PRDX4: variants seen among roughly 807,000 people sequenced by gnomAD.
PRDX4 encodes the protein peroxiredoxin 4, also known as peroxiredoxin-4.
A neutral mutation model predicts 20.5 loss-of-function variants in PRDX4; 12 were observed. The ratio of observed to expected loss-of-function variants is 0.58; its 90% CI spans 0.37 to 0.95. The LOEUF (loss-of-function observed/expected upper bound fraction) is 0.95, where lower values mean the gene tolerates loss of function less well. Among genes scored for constraint, PRDX4 ranks in the 40% least tolerant of loss-of-function variants. The pLI is 0.01. For synonymous variants in PRDX4, 99 were observed against 87.5 expected, an observed-to-expected ratio of 1.13 and a Z score of -0.73; for missense variants, 180 against 207.3, an observed-to-expected ratio of 0.87 and a Z score of 0.81.
intron 6 of PRDX4, 24 bp downstream of exon 6, chrX:23,683,729 T>C: frequency 1.0e-5 from 12 of 1,180,998 alleles, no homozygotes; most frequent in Non-Finnish European, 1.4e-5. Context: ...TATGTTTTTA[T>C]GTTGAGTTGA....
intron 1 of PRDX4, among the ~76,000 whole-genome samples, chrX:23,670,604 T>G (rs1280227286): frequency 8.9e-6 from 1 of 112,246 alleles, no homozygotes; most frequent in African/African-American, 3.2e-5. Context: ...AAAGTATAAG[T>G]GCTATCTGAA....
chrX:23,674,409 A>C (rs1346654983), intron 2 of PRDX4, among the ~76,000 whole-genome samples: 1 of 110,884 alleles, frequency 9.0e-6, no homozygotes, highest in Non-Finnish European at 1.9e-5. Context: ...CCACCCTAGT[A>C]ATATTCTGTA....
At chrX:23,668,198 T>TA (rs1463217476) in intron 1 of PRDX4, among the ~76,000 whole-genome samples, 1 of 112,598 alleles carries the variant, frequency 8.9e-6, no homozygotes, top group Non-Finnish European at 1.9e-5. Context: ...ATAGGTTGAA[T>TA]AATGATTCAC....
intron 4 of PRDX4, among the ~76,000 whole-genome samples, chrX:23,682,049 T>TA (rs1296935462): frequency 1.8e-5 from 2 of 112,197 alleles, no homozygotes; most frequent in African/African-American, 3.2e-5. Flanking sequence ...TGAAAACAAA[T>TA]AAAAAATTTA....
At chrX:23,683,386 C>T (rs1406644703) in intron 5 of PRDX4, among the ~76,000 whole-genome samples, 1 of 111,423 alleles carries the variant, frequency 9.0e-6, no homozygotes, top group African/African-American at 3.3e-5. Context: ...GATTCCCAAA[C>T]TTTCCAACTG....
intron 2 of PRDX4, among the ~76,000 whole-genome samples, chrX:23,673,520 A>G (rs1927884221): frequency 8.9e-6 from 1 of 112,480 alleles, no homozygotes; most frequent in East Asian, 2.8e-4. Flanking sequence ...TGGGAGGCCA[A>G]CATGGGCGGA....
chrX:23,684,000 A>C (rs903878172), intron 6 of PRDX4, among the ~76,000 whole-genome samples: 8 of 100,413 alleles, frequency 8.0e-5, no homozygotes, highest in African/African-American at 3.0e-4. Context: ...GTGAGCCGAG[A>C]TCATGCCACT....
At chrX:23,686,098 A>C (rs1212761178) in intron 6 of PRDX4, 187 bp from the exon 7 acceptor site, 4 of 469,048 alleles carry the variant, frequency 8.5e-6, no homozygotes, top group Non-Finnish European at 1.5e-5. Context: ...ATTCACACAA[A>C]ATAAAAATAT....
In PRDX4 at chrX:23,683,654, CTT is replaced by C. The variant is rs772172230; in HGVS notation, c.731-13_731-12del. The stretch of plus-strand genomic sequence containing the variant: ...TCTGTTTTTAAAATGTCTTCTGCCT[CTT>C]TTTGTTTCTTTTAGTCTGCCCTGCT... On this transcript the variant is annotated splice_polypyrimidine_tract_variant and intron_variant, in intron 5 of 6. Transcript: ENST00000379341. 2 of 1,203,103 alleles carry C rather than the reference CTT, an allele frequency of 1.7e-6. No individual in the cohort carries two copies. The highest frequency in any genetic ancestry group is 3.0e-5 in the East Asian group (1 of 33,675).
Position 23,667,629 on chromosome X carries a change from T to TGCTTCTGCTGCC in PRDX4, c.63_74dup (p.Pro24_Leu27dup). On this transcript the variant is annotated inframe_insertion, in exon 1 of 7. Transcript: ENST00000379341. ...CCGGACCACGGCCGCCACCGAAGGC[T>TGCTTCTGCTGCC]GCTTCTGCTGCCGCTACTGCTGTTC... 8.3e-7 allele frequency: 1 copy of TGCTTCTGCTGCC among 1,201,009 alleles called. No homozygotes were observed. The highest frequency in any genetic ancestry group is 1.8e-5 in the South Asian group (1 of 55,764).
At chrX:23,674,062 T>G (rs1323645820) in intron 2 of PRDX4, among the ~76,000 whole-genome samples, 1 of 111,198 alleles carries the variant, frequency 9.0e-6, no homozygotes, top group East Asian at 2.8e-4. Context: ...TCCATCTGGA[T>G]GCACCAGCAC....
intron 5 of PRDX4, among the ~76,000 whole-genome samples, chrX:23,682,853 A>AAAAAAAAAATAT (rs1555933130): frequency 2.7e-4 from 4 of 14,878 alleles, no homozygotes; most frequent in African/African-American, 4.3e-4. Context: ...AAAAAAAAAA[A>AAAAAAAAAATAT]ATATATATAT....
Position 23,682,431 on chromosome X carries a change from G to A in PRDX4, c.635G>A (p.Arg212Lys). The A allele has an allele frequency of 1.7e-6, 2 of 1,178,394 alleles. No homozygotes were observed. Among genetic ancestry groups the A allele is most frequent in the Non-Finnish European group, 2.3e-6 (2 of 874,452 alleles). Residue 212 changes from arginine (R) to lysine (K), a missense_variant, in exon 5 of 7, where the codon AGA (arginine) becomes AAA (lysine). Coordinates refer to ENST00000379341, the MANE Select transcript of PRDX4 (RefSeq NM_006406.2). ...ATTATTGATGACAAAGGAATCCTAA[G>A]ACAAATTACTCTGAATGATCTTCCT... is the stretch of plus-strand genomic sequence containing the variant. ...LFIIDDKGIL[R>K]QITLNDLPVG...
Position 23,667,557 on chromosome X carries a change from G to C in PRDX4, c.-14G>C, listed in dbSNP as rs1601787691. The C allele has an allele frequency of 8.5e-7, 1 of 1,174,804 alleles. No individual in the cohort carries two copies. The highest frequency in any genetic ancestry group is 3.1e-5 in the East Asian group (1 of 31,857). ...CGCTCGCGCCAAGGGACGTGTTTCT[G>C]CGCTCGCGTGGTCATGGAGGCGCTG... On this transcript the variant is annotated 5_prime_UTR_variant, in exon 1 of 7. Transcript: ENST00000379341.
intron 5 of PRDX4, among the ~76,000 whole-genome samples, chrX:23,682,877 T>TATATATAA (rs1431021204): frequency 6.1e-5 from 4 of 65,540 alleles, no homozygotes; most frequent in African/African-American, 1.8e-4. Context: ...TATATATATA[T>TATATATAA]AAACTAATAT....
intron 6 of PRDX4, among the ~76,000 whole-genome samples, chrX:23,685,127 G>A (rs1351306795): frequency 1.8e-5 from 2 of 112,129 alleles, no homozygotes; most frequent in Non-Finnish European, 3.8e-5. Flanking sequence ...CATGTAAATA[G>A]TCAACATGTT....
At chrX:23,674,885 AT>A (rs1202944454) in intron 2 of PRDX4, 104 bp from the exon 3 acceptor site, 1 of 1,024,560 alleles carries the variant, frequency 9.8e-7, no homozygotes, top group Non-Finnish European at 1.3e-6. Flanking sequence ...ATTGTTCTTA[AT>A]GTGCATTTTT....
chrX:23,675,168 CA>C, intron 3 of PRDX4, 62 bp downstream of exon 3: 1 of 1,208,577 alleles, frequency 8.3e-7, no homozygotes, highest in Non-Finnish European at 1.1e-6. Flanking sequence ...AAAGCATGGA[CA>C]GATAACTCTT....
chrX:23,679,046 T>G (rs1928007058), intron 3 of PRDX4, 119 bp from the exon 4 acceptor site: 1 of 767,686 alleles, frequency 1.3e-6, no homozygotes, highest in African/African-American at 2.1e-5. Flanking sequence ...TAGCCTGTTT[T>G]TGTTAGTGAA....
Sources: allele counts gnomAD v4.1 joint callset (sites outside exome capture counted in the v4.1 genomes callset), GRCh38; gene constraint gnomAD v4.1.1; transcripts MANE v1.5; gene names NCBI Gene and HGNC (gene_info 2026-07-23, HGNC 2026-07-21).